Variants in MAGI2 observed in about 807,000 individuals in gnomAD.
MAGI2 encodes the protein membrane associated guanylate kinase, WW and PDZ domain containing 2.
Under a neutral mutation model 133.3 loss-of-function variants are expected in MAGI2, and 35 were observed. The observed-to-expected ratio is 0.26, with a 90% CI of 0.20 to 0.35. The LOEUF (loss-of-function observed/expected upper bound fraction) is 0.35. Among genes scored for constraint, MAGI2 ranks in the 10% least tolerant of loss-of-function variants. MAGI2 has a pLI of 1.00. For missense variants in MAGI2, 1,636 were observed against 1,863.4 expected, an observed-to-expected ratio of 0.88 and a Z score of 2.25; for synonymous variants, 729 against 710.6, an observed-to-expected ratio of 1.03 and a Z score of -0.41.
intron 20 of MAGI2, among the ~76,000 whole-genome samples, chr7:78,104,116 G>A (rs1344042544): frequency 6.6e-6 from 1 of 152,078 alleles, no homozygotes; most frequent in Non-Finnish European, 1.5e-5. Flanking sequence ...CAAAGTGGCT[G>A]GCCATTACTA....
chr7:78,447,389 A>C (rs1044630882), intron 6 of MAGI2, among the ~76,000 whole-genome samples: 1 of 151,652 alleles, frequency 6.6e-6, no homozygotes, highest in South Asian at 2.1e-4. Context: ...AAAAAAAAAA[A>C]AAGGCTCCCT....
intron 2 of MAGI2, among the ~76,000 whole-genome samples, chr7:78,700,956 T>C (rs965148962): frequency 7.8e-6 from 1 of 128,416 alleles, no homozygotes; most frequent in Non-Finnish European, 1.8e-5. Context: ...TACATTTACA[T>C]ATAATTTAAA....
At chr7:78,674,384 T>C (rs938459184) in intron 2 of MAGI2, among the ~76,000 whole-genome samples, 3 of 152,072 alleles carry the variant, frequency 2.0e-5, no homozygotes, top group African/African-American at 7.2e-5. Context: ...CAAATACTTA[T>C]GGCATGCCTA....
chr7:78,285,638 T>C (rs1013206350), intron 9 of MAGI2: 3 of 152,162 alleles, frequency 2.0e-5, no homozygotes, highest in African/African-American at 4.8e-5. Flanking sequence ...TCCTAACCAT[T>C]ACCTTTAACT....
chr7:79,290,696 G>A (rs1279341028), intron 1 of MAGI2, among the ~76,000 whole-genome samples: 1 of 151,774 alleles, frequency 6.6e-6, no homozygotes, highest in East Asian at 1.9e-4. Flanking sequence ...CCACGATATG[G>A]TTCTAGATGC....
chr7:78,713,062 TA>T (rs1387862972), intron 2 of MAGI2, among the ~76,000 whole-genome samples: 1 of 152,072 alleles, frequency 6.6e-6, no homozygotes, highest in African/African-American at 2.4e-5. Context: ...AATTACTTAA[TA>T]TTTTTTCCCC....
At chr7:78,450,352 A>G (rs1199149513) in intron 6 of MAGI2, among the ~76,000 whole-genome samples, 1 of 152,090 alleles carries the variant, frequency 6.6e-6, no homozygotes, top group Non-Finnish European at 1.5e-5. Context: ...GGGCAGAATA[A>G]AGGGGAAAGA....
chr7:79,452,244 C>T (rs1191433630), intron 1 of MAGI2, among the ~76,000 whole-genome samples: 1 of 152,168 alleles, frequency 6.6e-6, no homozygotes, highest in Non-Finnish European at 1.5e-5. Context: ...AACCATTCAT[C>T]TCCTCCGACC....
intron 10 of MAGI2, among the ~76,000 whole-genome samples, chr7:78,216,037 A>G (rs967785147): frequency 6.6e-6 from 1 of 152,254 alleles, no homozygotes; most frequent in African/African-American, 2.4e-5. Context: ...AACTGAAAGT[A>G]TGAAGAGATC....
intron 1 of MAGI2, among the ~76,000 whole-genome samples, chr7:79,240,786 A>T (rs1832335781): frequency 6.6e-6 from 1 of 151,464 alleles, no homozygotes; most frequent in South Asian, 2.1e-4. Flanking sequence ...TTTCCCTCAC[A>T]ACTCTCTTTT....
At chr7:78,995,340 A>G (rs1344277483) in intron 2 of MAGI2, among the ~76,000 whole-genome samples, 5 of 152,140 alleles carry the variant, frequency 3.3e-5, no homozygotes, top group Non-Finnish European at 7.4e-5. Context: ...TTCCTATATC[A>G]AGGTAATAGC....
chr7:78,391,746 T>A (rs1049046252), intron 6 of MAGI2, among the ~76,000 whole-genome samples: 1 of 152,256 alleles, frequency 6.6e-6, no homozygotes, highest in Non-Finnish European at 1.5e-5. Context: ...CAATTTATGA[T>A]AATGCCATCT....
chr7:78,210,655 G>A (rs1452696990), intron 10 of MAGI2, among the ~76,000 whole-genome samples: 2 of 152,178 alleles, frequency 1.3e-5, no homozygotes, highest in Non-Finnish European at 2.9e-5. Flanking sequence ...TCAGAGATAT[G>A]TGTCAGGTAA....
rs1459045717 is a variant in MAGI2, at chr7:78,151,101, T to TATTTATATTTAC, written c.2845+8923_2845+8924insGTAAATATAAAT. Among the ~76,000 whole-genome samples the TATTTATATTTAC allele has an allele frequency of 2.3e-3, 336 of 148,906 alleles. 1 individual carries two copies. Among genetic ancestry groups the TATTTATATTTAC allele is most frequent in the Non-Finnish European group, 3.6e-3 (240 of 67,380 alleles). On this transcript the variant is annotated intron_variant, in intron 16 of 21. Transcript: ENST00000354212. ...ATATTTATATTTATATTTATATTTA[T>TATTTATATTTAC]ATATTTGCACTTGTTTGCTTACTAG...
At chr7:79,380,076 C>T (rs1843674357) in intron 1 of MAGI2, among the ~76,000 whole-genome samples, 1 of 151,804 alleles carries the variant, frequency 6.6e-6, no homozygotes, top group African/African-American at 2.4e-5. Context: ...CCATTCAGGA[C>T]ATAGGCATGG....
At chr7:78,224,033 T>C (rs182396607) in intron 10 of MAGI2, among the ~76,000 whole-genome samples, 1 of 152,292 alleles carries the variant, frequency 6.6e-6, no homozygotes, top group African/African-American at 2.4e-5. Flanking sequence ...TGTAAAGCCT[T>C]GGACTGCTTG....
At chr7:78,345,178 C>T (rs1367361608) in intron 8 of MAGI2, among the ~76,000 whole-genome samples, 1 of 152,170 alleles carries the variant, frequency 6.6e-6, no homozygotes, top group African/African-American at 2.4e-5. Flanking sequence ...ATAAAAACCA[C>T]ATATAATCCT....
At chr7:79,356,913 A>G (rs933708430) in intron 1 of MAGI2, among the ~76,000 whole-genome samples, 1 of 152,166 alleles carries the variant, frequency 6.6e-6, no homozygotes, top group African/African-American at 2.4e-5. Flanking sequence ...AGAAGAAGAA[A>G]ATCTAGCAAA....
chr7:79,155,506 G>C (rs923538728), intron 1 of MAGI2, among the ~76,000 whole-genome samples: 1 of 152,070 alleles, frequency 6.6e-6, no homozygotes, highest in Non-Finnish European at 1.5e-5. Flanking sequence ...GGAACACCAT[G>C]GTTCCATAAG....
Sources: gnomAD v4.1 joint callset for allele counts (sites outside exome capture counted in the v4.1 genomes callset) on GRCh38, gnomAD v4.1.1 for gene constraint, MANE v1.5 for transcripts, NCBI Gene and HGNC (gene_info 2026-07-23, HGNC 2026-07-21) for gene names.